The following GOLM2 variants were observed in gnomAD, a reference collection of about 807,000 sequenced individuals.
The protein encoded by GOLM2 is golgi membrane protein 2.
GOLM2 carries 26 observed loss-of-function variants against 55.9 expected under a neutral mutation model. That is an observed-to-expected ratio of 0.47 (90% CI 0.34 to 0.65). The LOEUF (loss-of-function observed/expected upper bound fraction) is 0.65. Ranked by LOEUF, GOLM2 falls within the 30% of genes least tolerant of loss-of-function variation. The pLI, the probability that GOLM2 is intolerant of heterozygous loss-of-function variation, is 0.01. For missense variants in GOLM2, 486 were observed against 531.8 expected (o/e 0.91, Z 0.85); for synonymous variants, 165 against 194.6 (o/e 0.85, Z 1.27).
intron 1 of GOLM2, among the ~76,000 whole-genome samples, chr15:44,297,389 C>G (rs1407932877): frequency 1.3e-5 from 2 of 152,134 alleles, no homozygotes; most frequent in Non-Finnish European, 2.9e-5. Context: ...CTACCTTTGT[C>G]TCCCACTATC....
chr15:44,388,165 A>T (rs2079460820), intron 8 of GOLM2, among the ~76,000 whole-genome samples: 1 of 149,808 alleles, frequency 6.7e-6, no homozygotes, highest in Non-Finnish European at 1.5e-5. Context: ...AATTCCAGCT[A>T]CTCGGGAGGC....
chr15:44,408,453 A>T (rs989253709), intron 9 of GOLM2, among the ~76,000 whole-genome samples: 18 of 152,212 alleles, frequency 1.2e-4, no homozygotes, highest in Non-Finnish European at 1.5e-5. Flanking sequence ...ATTAACAAAA[A>T]AATACTTCAT....
intron 6 of GOLM2, among the ~76,000 whole-genome samples, chr15:44,368,872 T>C (rs946066830): frequency 3.3e-5 from 5 of 150,154 alleles, no homozygotes; most frequent in African/African-American, 4.9e-5. Context: ...TGCTTTTTTG[T>C]ATGTCTAGTA....
intron 3 of GOLM2, 130 bp from the exon 4 acceptor site, chr15:44,331,858 C>G: frequency 1.6e-6 from 1 of 627,816 alleles, no homozygotes; most frequent in Admixed American, 3.0e-5. Flanking sequence ...TTTGTATGCT[C>G]TGTTTTTTCC....
chr15:44,388,333 G>A (rs2079462832), intron 8 of GOLM2, among the ~76,000 whole-genome samples: 1 of 148,706 alleles, frequency 6.7e-6, no homozygotes, highest in African/African-American at 2.5e-5. Flanking sequence ...GCTTTCCATA[G>A]AGTAAAAACT....
intron 8 of GOLM2, among the ~76,000 whole-genome samples, chr15:44,401,026 G>A (rs573218485): frequency 6.6e-6 from 1 of 152,174 alleles, no homozygotes; most frequent in East Asian, 1.9e-4. Flanking sequence ...AATTCTATTT[G>A]TACTTAACCT....
At chr15:44,351,181 A>T (rs2141160042) in intron 6 of GOLM2, among the ~76,000 whole-genome samples, 1 of 152,274 alleles carries the variant, frequency 6.6e-6, no homozygotes, top group East Asian at 1.9e-4. Context: ...AAGAGAAAGA[A>T]ATAAAGGACA....
intron 6 of GOLM2, among the ~76,000 whole-genome samples, chr15:44,358,356 GAAACA>G (rs2079211628): frequency 6.6e-6 from 1 of 151,904 alleles, no homozygotes; most frequent in African/African-American, 2.4e-5. Flanking sequence ...CTGTCTCAAA[GAAACA>G]AAACAAAATA....
At chr15:44,392,922 A>G (rs2079501077) in intron 8 of GOLM2, among the ~76,000 whole-genome samples, 1 of 152,200 alleles carries the variant, frequency 6.6e-6, no homozygotes, top group Non-Finnish European at 1.5e-5. Context: ...TCCTATGACA[A>G]ATATCAAATT....
intron 1 of GOLM2, among the ~76,000 whole-genome samples, chr15:44,320,444 A>G (rs1350869985): frequency 1.3e-5 from 2 of 152,164 alleles, no homozygotes; most frequent in African/African-American, 4.8e-5. Context: ...GACTACAGAC[A>G]TGTTCCACCA....
intron 1 of GOLM2, among the ~76,000 whole-genome samples, chr15:44,313,546 A>G (rs1327868065): frequency 6.6e-6 from 1 of 152,190 alleles, no homozygotes; most frequent in African/African-American, 2.4e-5. Context: ...AAAACTTGTT[A>G]CACTTTATGT....
intron 1 of GOLM2, among the ~76,000 whole-genome samples, chr15:44,309,910 GT>G (rs1167709405): frequency 6.6e-6 from 1 of 151,800 alleles, no homozygotes; most frequent in Non-Finnish European, 1.5e-5. Context: ...TTGATACGGA[GT>G]TTCACTCTGT....
chr15:44,346,290 A>G (rs1467278836), intron 6 of GOLM2: 2 of 151,906 alleles, frequency 1.3e-5, no homozygotes, highest in African/African-American at 4.8e-5. Flanking sequence ...TGGTGGTTGC[A>G]TATTGGAATC....
At chr15:44,403,230 T>C (rs1330849151) in intron 9 of GOLM2, 176 bp downstream of exon 9, 2 of 639,482 alleles carry the variant, frequency 3.1e-6, no homozygotes, top group East Asian at 6.2e-5. Context: ...TGGTGCGATC[T>C]TGGCTCACCG....
chr15:44,386,067 T>G (rs1472790518), intron 8 of GOLM2, among the ~76,000 whole-genome samples: 3 of 152,210 alleles, frequency 2.0e-5, no homozygotes, highest in African/African-American at 7.2e-5. Flanking sequence ...TATTTTTTGT[T>G]TTTGTTCATA....
chr15:44,386,723 T>C (rs536997067), intron 8 of GOLM2, among the ~76,000 whole-genome samples: 4 of 151,820 alleles, frequency 2.6e-5, no homozygotes, highest in African/African-American at 4.8e-5. Flanking sequence ...ATTTAAAAAT[T>C]AGCCAGGCAT....
chr15:44,369,405 C>A (rs572873261), intron 6 of GOLM2, among the ~76,000 whole-genome samples: 58 of 151,500 alleles, frequency 3.8e-4, no homozygotes, highest in African/African-American at 1.3e-3. Flanking sequence ...TTATACACAG[C>A]ACTCTGACAT....
chr15:44,375,945 A>G (rs1488720900), intron 6 of GOLM2, among the ~76,000 whole-genome samples: 1 of 152,178 alleles, frequency 6.6e-6, no homozygotes, highest in Non-Finnish European at 1.5e-5. Flanking sequence ...ATACAAAGAT[A>G]TATATGTTGG....
Position 44,376,798 on chromosome 15 carries a change from T to C in GOLM2, c.803-2892T>C, listed in dbSNP as rs139594659. On this transcript the variant is annotated intron_variant, in intron 6 of 9. Transcript: ENST00000299957. ...TTTTTTTAATTTTTAATTTTTTAGG[T>C]ATATAGTAGGTGTGGGGCTTATAAC... Among the ~76,000 whole-genome samples, 354 of 148,244 alleles carry C rather than the reference T, an allele frequency of 2.4e-3. 2 individuals are homozygous for C. Among genetic ancestry groups the C allele is most frequent in the African/African-American group, 8.5e-3 (330 of 39,032 alleles).
Sources: allele counts gnomAD v4.1 joint callset (sites outside exome capture counted in the v4.1 genomes callset), GRCh38; gene constraint gnomAD v4.1.1; transcripts MANE v1.5; gene names NCBI Gene and HGNC (gene_info 2026-07-23, HGNC 2026-07-21).